The following TMEM132C variants were observed in gnomAD, a reference collection of about 807,000 sequenced individuals.
The protein encoded by TMEM132C is protein phosphatase 1, regulatory subunit 152.
In TMEM132C, 29 loss-of-function variants were observed where a neutral mutation model predicts 61.4. The ratio of observed to expected loss-of-function variants is 0.47; its 90% CI spans 0.35 to 0.64. TMEM132C has a LOEUF of 0.64. TMEM132C is among the 30% of genes least tolerant of loss of function. The probability of loss-of-function intolerance (pLI) is 0.00; values close to 1 mark genes in which losing one functional copy is unlikely to be tolerated. For synonymous variants in TMEM132C, 656 were observed against 633.1 expected, an observed-to-expected ratio of 1.04 and a Z score of -0.54; for missense variants, 1,408 against 1,476.9, an observed-to-expected ratio of 0.95 and a Z score of 0.76.
chr12:128,280,399 C>T (rs1477964749), intron 1 of TMEM132C, among the ~76,000 whole-genome samples: 1 of 152,158 alleles, frequency 6.6e-6, no homozygotes, highest in Admixed American at 6.5e-5. Flanking sequence ...GGGCTCCTTC[C>T]TTGTAGACAA....
chr12:128,314,756 C>T (rs889967520), intron 1 of TMEM132C, among the ~76,000 whole-genome samples: 1 of 152,094 alleles, frequency 6.6e-6, no homozygotes, highest in Non-Finnish European at 1.5e-5. Context: ...CACAGATGCT[C>T]CCTCGTGGCT....
chr12:128,693,584 T>G (rs1387091494), intron 5 of TMEM132C, among the ~76,000 whole-genome samples: 1 of 152,176 alleles, frequency 6.6e-6, no homozygotes, highest in Non-Finnish European at 1.5e-5. Context: ...TGTAACAGCC[T>G]AAAAAATGCA....
intron 2 of TMEM132C, among the ~76,000 whole-genome samples, chr12:128,509,753 C>G (rs538100792): frequency 6.6e-6 from 1 of 152,194 alleles, no homozygotes; most frequent in South Asian, 2.1e-4. Context: ...GCAGAGGGAA[C>G]AAGTCCAGGT....
chr12:128,571,704 G>A (rs1227095487), intron 3 of TMEM132C, among the ~76,000 whole-genome samples: 1 of 152,218 alleles, frequency 6.6e-6, no homozygotes, highest in African/African-American at 2.4e-5. Flanking sequence ...ATAGGAGACA[G>A]AAAATCTAAC....
chr12:128,316,896 A>G (rs1203581717), intron 1 of TMEM132C, among the ~76,000 whole-genome samples: 3 of 152,174 alleles, frequency 2.0e-5, no homozygotes, highest in African/African-American at 7.2e-5. Flanking sequence ...ATTTTTAAAT[A>G]GTGTAATGAG....
At chr12:128,400,689 C>A (rs1018071209) in intron 1 of TMEM132C, among the ~76,000 whole-genome samples, 5 of 151,476 alleles carry the variant, frequency 3.3e-5, no homozygotes, top group African/African-American at 1.2e-4. Flanking sequence ...GCTCATTGCA[C>A]CCTCTGCTTC....
At chr12:128,453,216 C>T (rs1428242572) in intron 2 of TMEM132C, among the ~76,000 whole-genome samples, 1 of 152,206 alleles carries the variant, frequency 6.6e-6, no homozygotes, top group Non-Finnish European at 1.5e-5. Flanking sequence ...ATTCAACAAG[C>T]AGCTGCTTCA....
intron 2 of TMEM132C, among the ~76,000 whole-genome samples, chr12:128,416,424 A>G (rs1037466800): frequency 5.9e-5 from 9 of 152,252 alleles, no homozygotes; most frequent in Middle Eastern, 3.2e-3. Context: ...TGAAAGAAGT[A>G]TTTGTTTTAA....
At chr12:128,442,895 C>A (rs7953771) in intron 2 of TMEM132C, among the ~76,000 whole-genome samples, 1 of 152,064 alleles carries the variant, frequency 6.6e-6, no homozygotes, top group South Asian at 2.1e-4. Context: ...GTTTCTACCC[C>A]CAGTTCCTGG....
chr12:128,495,693 T>G (rs1293889540), intron 2 of TMEM132C, among the ~76,000 whole-genome samples: 4 of 152,170 alleles, frequency 2.6e-5, no homozygotes, highest in Admixed American at 2.0e-4. Context: ...TGGTAGATCT[T>G]CCTCCCTCCC....
At chr12:128,565,398 G>A (rs1874660992) in intron 3 of TMEM132C, among the ~76,000 whole-genome samples, 1 of 152,226 alleles carries the variant, frequency 6.6e-6, no homozygotes, top group African/African-American at 2.4e-5. Flanking sequence ...ATAAATGTGA[G>A]TTGTTTTAAA....
chr12:128,366,663 C>A lies in TMEM132C; in HGVS notation c.86-48069C>A, dbSNP rs143123917. ...AGATAGTGGGAGAACCCTTTTGGTG[C>A]CCTTGAGTGGTCAAGCCAGTTCCTC... On this transcript the variant is annotated intron_variant, in intron 1 of 8. Coordinates refer to ENST00000435159, the MANE Select transcript of TMEM132C (RefSeq NM_001136103.3). Among the ~76,000 whole-genome samples the A allele has an allele frequency of 1.9e-3, 294 of 152,266 alleles. 1 individual carries two copies. The highest frequency in any genetic ancestry group is 6.9e-3 in the African/African-American group (286 of 41,558).
chr12:128,636,361 T>A (rs1052469149), intron 4 of TMEM132C, among the ~76,000 whole-genome samples: 2 of 152,170 alleles, frequency 1.3e-5, no homozygotes, highest in Non-Finnish European at 2.9e-5. Context: ...GTCATCCACA[T>A]TTTTAAAAAT....
At chr12:128,493,324 G>A (rs1278379019) in intron 2 of TMEM132C, among the ~76,000 whole-genome samples, 8 of 152,108 alleles carry the variant, frequency 5.3e-5, no homozygotes, top group Admixed American at 4.6e-4. Context: ...GATTGTCTTC[G>A]CAATGTGGAA....
At chr12:128,383,304 G>A (rs533149627) in intron 1 of TMEM132C, among the ~76,000 whole-genome samples, 2 of 152,316 alleles carry the variant, frequency 1.3e-5, no homozygotes, top group Admixed American at 1.3e-4. Flanking sequence ...AAGTGGGCAA[G>A]GGGTGGATGC....
chr12:128,319,059 C>T (rs1872240749), intron 1 of TMEM132C, among the ~76,000 whole-genome samples: 1 of 152,130 alleles, frequency 6.6e-6, no homozygotes, highest in Non-Finnish European at 1.5e-5. Context: ...GTGACTTAGA[C>T]TGAGATGTTC....
At chr12:128,664,780 A>C (rs1311849647) in intron 4 of TMEM132C, among the ~76,000 whole-genome samples, 1 of 151,958 alleles carries the variant, frequency 6.6e-6, no homozygotes, top group Non-Finnish European at 1.5e-5. Context: ...AGCCATGCAC[A>C]TGATGTGTTC....
intron 2 of TMEM132C, among the ~76,000 whole-genome samples, chr12:128,534,879 A>C (rs1873461955): frequency 6.6e-6 from 1 of 152,250 alleles, no homozygotes; most frequent in Non-Finnish European, 1.5e-5. Flanking sequence ...AGTTGGTGAG[A>C]ATCCTCCTAT....
Position 128,565,608 on chromosome 12 carries a change from C to T in TMEM132C, c.1121+21505C>T, listed in dbSNP as rs1043229152. 7.2e-5 allele frequency among the ~76,000 whole-genome samples: 11 copies of T among 152,214 alleles called. No homozygotes were observed. In the East Asian group the frequency reaches 2.1e-3, roughly 29 times the overall value. On this transcript the variant is annotated intron_variant, in intron 3 of 8. Coordinates refer to ENST00000435159, the MANE Select transcript of TMEM132C (RefSeq NM_001136103.3). ...TGGATATCATTTCATTTGATCATCA[C>T]AATAAACCTTTGAGAGCTGGACGGG...
Sources: allele counts gnomAD v4.1 joint callset (sites outside exome capture counted in the v4.1 genomes callset), GRCh38; gene constraint gnomAD v4.1.1; transcripts MANE v1.5; gene names NCBI Gene and HGNC (gene_info 2026-07-23, HGNC 2026-07-21).